The following SNTB1 variants were observed in gnomAD, a reference collection of about 807,000 sequenced individuals.
SNTB1 encodes the protein syntrophin beta 1, also known as beta-1-syntrophin.
A neutral mutation model predicts 48.9 loss-of-function variants in SNTB1; 36 were observed. The observed-to-expected ratio is 0.74, with a 90% CI of 0.56 to 0.97. The LOEUF is 0.97. Among genes scored for constraint, SNTB1 ranks in the 50% least tolerant of loss-of-function variants. SNTB1 has a pLI of 0.00. For missense variants in SNTB1, 786 were observed against 703.4 expected, an observed-to-expected ratio of 1.12 and a Z score of -1.33; for synonymous variants, 299 against 294.6, an observed-to-expected ratio of 1.01 and a Z score of -0.15.
chr8:120,676,645 G>A (rs1817839804), intron 2 of SNTB1, among the ~76,000 whole-genome samples: 1 of 152,118 alleles, frequency 6.6e-6, no homozygotes, highest in Admixed American at 6.5e-5. Context: ...TCAAAATGGT[G>A]TACTTCTCAC....
chr8:120,662,494 A>G (rs1817604730), intron 2 of SNTB1, among the ~76,000 whole-genome samples: 1 of 152,212 alleles, frequency 6.6e-6, no homozygotes, highest in Non-Finnish European at 1.5e-5. Context: ...AAATTGTTAC[A>G]GATGAAAGAA....
chr8:120,726,328 G>A (rs1047097850), intron 1 of SNTB1, among the ~76,000 whole-genome samples: 2 of 152,104 alleles, frequency 1.3e-5, no homozygotes, highest in Non-Finnish European at 2.9e-5. Flanking sequence ...TGACTGGAGA[G>A]GATACATTTT....
At chr8:120,779,328 C>A (rs912597078) in intron 1 of SNTB1, among the ~76,000 whole-genome samples, 21 of 152,058 alleles carry the variant, frequency 1.4e-4, no homozygotes, top group Non-Finnish European at 2.8e-4. Context: ...CATGGTGAAA[C>A]CCCATTTCTG....
intron 3 of SNTB1, among the ~76,000 whole-genome samples, chr8:120,617,913 C>A (rs539069431): frequency 1.3e-5 from 2 of 152,172 alleles, no homozygotes; most frequent in African/African-American, 4.8e-5. Context: ...AAATGCAATA[C>A]AGCAGCAAAC....
intron 3 of SNTB1, among the ~76,000 whole-genome samples, chr8:120,621,918 T>A (rs1057183283): frequency 6.6e-6 from 1 of 152,234 alleles, no homozygotes; most frequent in Non-Finnish European, 1.5e-5. Context: ...ATGTGAATTG[T>A]ACCTCATTCC....
At chr8:120,722,157 G>C (rs1266410438) in intron 1 of SNTB1, among the ~76,000 whole-genome samples, 1 of 152,118 alleles carries the variant, frequency 6.6e-6, no homozygotes, top group African/African-American at 2.4e-5. Flanking sequence ...ATTTGGGTTG[G>C]TTCTGTGAAT....
chr8:120,663,030 G>A (rs916820343), intron 2 of SNTB1, among the ~76,000 whole-genome samples: 3 of 143,290 alleles, frequency 2.1e-5, no homozygotes, highest in Non-Finnish European at 3.1e-5. Flanking sequence ...CTGGTGGGGG[G>A]GGTATTTGGG....
At chr8:120,808,730 A>G (rs546573990) in intron 1 of SNTB1, among the ~76,000 whole-genome samples, 6 of 152,298 alleles carry the variant, frequency 3.9e-5, no homozygotes, top group Admixed American at 2.0e-4. Flanking sequence ...GAATGCAGGC[A>G]TTGAAACTTT....
intron 5 of SNTB1, 114 bp downstream of exon 5, chr8:120,548,648 G>T: frequency 1.1e-6 from 1 of 884,486 alleles, no homozygotes; most frequent in South Asian, 1.7e-5. Context: ...ATTTGCTTCT[G>T]GAATTTTAAC....
chr8:120,564,752 G>A (rs1432401944), intron 4 of SNTB1, among the ~76,000 whole-genome samples: 1 of 151,408 alleles, frequency 6.6e-6, no homozygotes, highest in Non-Finnish European at 1.5e-5. Flanking sequence ...TGTATTTTTA[G>A]TAGAGATGGG....
rs759974002 is a variant in SNTB1 at position 120,541,831 on chromosome 8, A to G, written c.1503T>C (p.Phe501=). ...DDGIRMLYLD[F]GGKDGEIQLD... is the part of the protein sequence containing the mutation. ...TTACAATCTCTCCATCTTTGCCTCC[A>G]AAATCTAAATACAGCATCCTGATTC... Residue 501 remains phenylalanine (F), a synonymous_variant, in exon 6 of 7, where the codon TTT becomes TTC. Coordinates refer to ENST00000517992, the MANE Select transcript of SNTB1 (RefSeq NM_021021.4). 1.2e-6 allele frequency: 2 copies of G among 1,612,450 alleles called. No individual in the cohort carries two copies. The highest frequency in any genetic ancestry group is 3.3e-5 in the Admixed American group (2 of 59,716).
At chr8:120,746,280 C>T (rs774125700) in intron 1 of SNTB1, among the ~76,000 whole-genome samples, 5 of 151,982 alleles carry the variant, frequency 3.3e-5, no homozygotes, top group Admixed American at 1.3e-4. Flanking sequence ...TTTTCTCTTC[C>T]GTATGATTTT....
At chr8:120,587,084 G>T (rs1816155862) in intron 3 of SNTB1, among the ~76,000 whole-genome samples, 1 of 152,120 alleles carries the variant, frequency 6.6e-6, no homozygotes, top group Non-Finnish European at 1.5e-5. Flanking sequence ...AGCCGGGCGT[G>T]GTAGCGCGTG....
At chr8:120,561,942 T>C (rs1815667573) in intron 4 of SNTB1, among the ~76,000 whole-genome samples, 1 of 152,152 alleles carries the variant, frequency 6.6e-6, no homozygotes, top group Non-Finnish European at 1.5e-5. Flanking sequence ...CTGTTACAAA[T>C]AGCATTTAGA....
At chr8:120,712,567 TATG>T (rs1287149433) in intron 1 of SNTB1, among the ~76,000 whole-genome samples, 2 of 152,302 alleles carry the variant, frequency 1.3e-5, no homozygotes, top group South Asian at 4.1e-4. Context: ...GCATTTTTTA[TATG>T]ATGATAAATT....
intron 4 of SNTB1, among the ~76,000 whole-genome samples, chr8:120,566,041 A>G (rs1815743492): frequency 6.6e-6 from 1 of 152,164 alleles, no homozygotes; most frequent in Non-Finnish European, 1.5e-5. Context: ...GCCTATTAAA[A>G]TACAAAAATT....
chr8:120,769,670 A>T (rs1019019248), intron 1 of SNTB1: 1 of 152,228 alleles, frequency 6.6e-6, no homozygotes, highest in African/African-American at 2.4e-5. Context: ...CAACTGATCC[A>T]GCCATCTCAG....
intron 5 of SNTB1, among the ~76,000 whole-genome samples, chr8:120,542,688 T>C (rs1159465558): frequency 6.8e-6 from 1 of 147,210 alleles, no homozygotes; most frequent in East Asian, 2.0e-4. Context: ...TAAAGCCACC[T>C]TTGAATCACC....
intron 5 of SNTB1, among the ~76,000 whole-genome samples, chr8:120,546,846 A>T (rs995258176): frequency 6.6e-6 from 1 of 152,180 alleles, no homozygotes; most frequent in Admixed American, 6.5e-5. Flanking sequence ...GTAAGTTTGG[A>T]TGTCTATCAT....
Sources: gnomAD v4.1 joint callset for allele counts (sites outside exome capture counted in the v4.1 genomes callset) on GRCh38, gnomAD v4.1.1 for gene constraint, MANE v1.5 for transcripts, NCBI Gene and HGNC (gene_info 2026-07-23, HGNC 2026-07-21) for gene names.